Variants in ZMAT3 observed in about 807,000 individuals in gnomAD.
ZMAT3 encodes the protein zinc finger matrin-type protein 3.
A neutral mutation model predicts 32.3 loss-of-function variants in ZMAT3; 17 were observed. The observed-to-expected ratio is 0.53, with a 90% CI of 0.36 to 0.79. The LOEUF is 0.79. Ranked by LOEUF, ZMAT3 falls within the 30% of genes least tolerant of loss-of-function variation. ZMAT3 has a pLI of 0.00. For missense variants in ZMAT3, 329 were observed against 359.7 expected (o/e 0.91, Z 0.69); for synonymous variants, 120 against 133.1 (o/e 0.90, Z 0.68).
At position 179,018,112 on chromosome 3, in the gene ZMAT3, T is replaced by C. The variant is rs1344891377; in HGVS notation, c.*6905A>G. 6.6e-6 allele frequency: 1 copy of C among 151,984 alleles called. No individual in the cohort carries two copies. The highest frequency in any genetic ancestry group is 2.4e-5 in the African/African-American group (1 of 41,374). The allele number at this position is 151,984 out of a possible 1,614,324, so 9.4% of individuals were successfully genotyped here. ...TCCTATACATGCCATATTTGCAGAG[T>C]AGAAACAAACTGCCCTATTTGCGCT... On this transcript the variant is annotated 3_prime_UTR_variant, in exon 6 of 6. Coordinates refer to ENST00000311417, the MANE Select transcript of ZMAT3 (RefSeq NM_022470.4).
intron 2 of ZMAT3, among the ~76,000 whole-genome samples, chr3:179,050,536 C>T (rs1310377384): frequency 6.6e-6 from 1 of 151,928 alleles, no homozygotes; most frequent in Non-Finnish European, 1.5e-5. Context: ...TTCTATCAGA[C>T]ATTCAAAGAA....
At chr3:179,042,864 A>T (rs1720027155) in intron 2 of ZMAT3, among the ~76,000 whole-genome samples, 1 of 152,254 alleles carries the variant, frequency 6.6e-6, no homozygotes, top group Non-Finnish European at 1.5e-5. Context: ...CTGATAAGCA[A>T]CATCAGCAAA....
At chr3:179,057,867 G>C (rs189090155) in intron 2 of ZMAT3, among the ~76,000 whole-genome samples, 1 of 152,132 alleles carries the variant, frequency 6.6e-6, no homozygotes, top group Admixed American at 6.5e-5. Context: ...AGGAAACTCA[G>C]AAAGCCAATA....
chr3:179,069,920 T>C (rs2108595071), intron 1 of ZMAT3, among the ~76,000 whole-genome samples: 1 of 152,306 alleles, frequency 6.6e-6, no homozygotes, highest in African/African-American at 2.4e-5. Context: ...GTAATGGTAT[T>C]ATTTCTCTTA....
chr3:179,067,597 C>G lies in ZMAT3; in HGVS notation c.156G>C (p.Glu52Asp). Residue 52 changes from glutamate to aspartate, a missense_variant, in exon 2 of 6, where the codon GAG becomes GAC. By Grantham distance (45) the Glu-to-Asp change is conservative. Coordinates refer to ENST00000311417, the MANE Select transcript of ZMAT3 (RefSeq NM_022470.4). Reference sequence around the variant, plus strand: ...AGTCTTGCTCCCCTCCCTTCGATAACTCTTCTTCCCCTGCAAGAGGCAAGG... The same window carrying G: ...AGTCTTGCTCCCCTCCCTTCGATAAGTCTTCTTCCCCTGCAAGAGGCAAGG... ...EASLPLAGEE[E>D]LSKGGEQDCA... 1 of 1,614,220 alleles carries G rather than the reference C, an allele frequency of 6.2e-7. No homozygotes were observed. The highest frequency in any genetic ancestry group is 1.1e-5 in the South Asian group (1 of 91,084).
chr3:179,064,571 A>T (rs1398072283), intron 2 of ZMAT3, among the ~76,000 whole-genome samples: 1 of 152,106 alleles, frequency 6.6e-6, no homozygotes. Context: ...CTGGGACTAC[A>T]AGTGTCTGCC....
chr3:179,068,299 G>A (rs1445700240), intron 1 of ZMAT3, among the ~76,000 whole-genome samples: 1 of 152,172 alleles, frequency 6.6e-6, no homozygotes, highest in Non-Finnish European at 1.5e-5. Flanking sequence ...CTGAGGTCAG[G>A]AGTTCGAGAC....
At chr3:179,028,479 A>T (rs757422055) in intron 3 of ZMAT3, among the ~76,000 whole-genome samples, 4 of 152,230 alleles carry the variant, frequency 2.6e-5, no homozygotes, top group Non-Finnish European at 4.4e-5. Flanking sequence ...CATGATAAAG[A>T]TTCTGGAAAC....
intron 2 of ZMAT3, among the ~76,000 whole-genome samples, chr3:179,047,547 A>G (rs1720307324): frequency 6.6e-6 from 1 of 152,250 alleles, no homozygotes; most frequent in Non-Finnish European, 1.5e-5. Context: ...AAGGTCAACT[A>G]CTAATCCAAT....
At chr3:179,045,694 G>A (rs1009657332) in intron 2 of ZMAT3, among the ~76,000 whole-genome samples, 4 of 152,134 alleles carry the variant, frequency 2.6e-5, no homozygotes, top group African/African-American at 9.7e-5. Flanking sequence ...GCATAGGATA[G>A]GGATACAATT....
rs182800911 is a variant in ZMAT3, at chr3:179,041,035, T to A, written c.271-10036A>T. On this transcript the variant is annotated intron_variant, in intron 2 of 5. Transcript: ENST00000311417. The stretch of plus-strand genomic sequence containing the variant: ...TCAATTCAATGAGAAGAGCTAACTA[T>A]CCTAAATATATATGCACCCAATACA... 1.6e-3 allele frequency among the ~76,000 whole-genome samples: 237 copies of A among 152,196 alleles called. 3 individuals are homozygous for A. The highest frequency in any genetic ancestry group is 5.5e-3 in the African/African-American group (228 of 41,508).
chr3:179,025,256 T>G (rs373405058), intron 5 of ZMAT3, 28 bp from the exon 6 acceptor site: 34 of 1,524,992 alleles, frequency 2.2e-5, no homozygotes, highest in Non-Finnish European at 2.8e-5. Flanking sequence ...AATAATATAT[T>G]CAAAATATTC....
At chr3:179,063,349 CATTATGA>C (rs776789545) in intron 2 of ZMAT3, among the ~76,000 whole-genome samples, 1 of 152,188 alleles carries the variant, frequency 6.6e-6, no homozygotes, top group Non-Finnish European at 1.5e-5. Context: ...GCATTCTCTT[CATTATGA>C]ATTATGAATT....
rs959580330 is a variant in ZMAT3 at position 179,019,725 on chromosome 3, A to G, written c.*5292T>C. On this transcript the variant is annotated 3_prime_UTR_variant, in exon 6 of 6. Coordinates refer to ENST00000311417, the MANE Select transcript of ZMAT3 (RefSeq NM_022470.4). ...GAAAATTTTGCTTTTAATGGCTTCA[A>G]ACCTGATTTGTGAAGATGCTTCATT... is the stretch of plus-strand genomic sequence containing the variant. 1.3e-5 allele frequency: 2 copies of G among 152,174 alleles called. No homozygotes were observed. Among genetic ancestry groups the G allele is most frequent in the African/African-American group, 4.8e-5 (2 of 41,442 alleles). The allele number at this position is 152,174 out of a possible 1,614,324, so 9.4% of individuals were successfully genotyped here. A position where few individuals can be genotyped will look rare whatever the true frequency, so the allele number is the denominator to read the frequency against.
At chr3:179,060,656 A>T (rs760354269) in intron 2 of ZMAT3, among the ~76,000 whole-genome samples, 15 of 152,044 alleles carry the variant, frequency 9.9e-5, no homozygotes, top group African/African-American at 3.4e-4. Flanking sequence ...AAATATATAT[A>T]TTTTTTAAAT....
chr3:179,032,263 C>T (rs1173834765), intron 2 of ZMAT3, among the ~76,000 whole-genome samples: 1 of 151,776 alleles, frequency 6.6e-6, no homozygotes, highest in Non-Finnish European at 1.5e-5. Flanking sequence ...CTCGGCCTCC[C>T]GAGGTGCCGG....
At chr3:179,039,446 C>G (rs996351195) in intron 2 of ZMAT3, among the ~76,000 whole-genome samples, 1 of 152,214 alleles carries the variant, frequency 6.6e-6, no homozygotes, top group African/African-American at 2.4e-5. Context: ...CAAACCGGGT[C>G]TGGAGTGGAC....
chr3:179,051,419 T>C (rs1720550687), intron 2 of ZMAT3, among the ~76,000 whole-genome samples: 1 of 151,644 alleles, frequency 6.6e-6, no homozygotes, highest in Admixed American at 6.6e-5. Context: ...AAAAATAAAA[T>C]AAAATACATA....
rs181620523 is a variant in ZMAT3 at position 179,063,944 on chromosome 3, A to G, written c.270+3539T>C. Among the ~76,000 whole-genome samples, 13 of 152,354 alleles carry G rather than the reference A, an allele frequency of 8.5e-5. No individual in the cohort carries two copies. The East Asian group carries it at 2.5e-3, about 29-fold the overall frequency. On this transcript the variant is annotated intron_variant, in intron 2 of 5. Coordinates refer to ENST00000311417, the MANE Select transcript of ZMAT3 (RefSeq NM_022470.4). The stretch of plus-strand genomic sequence containing the variant: ...AAATCTGTGATGACTACAGATACAC[A>G]TGGGTCACTGCTAAGGTAGCCCCAG...
Sources: allele counts gnomAD v4.1 joint callset (sites outside exome capture counted in the v4.1 genomes callset), GRCh38; gene constraint gnomAD v4.1.1; transcripts MANE v1.5; gene names NCBI Gene and HGNC (gene_info 2026-07-23, HGNC 2026-07-21).